CEP128: variants seen among roughly 807,000 people sequenced by gnomAD.
CEP128 encodes centrosomal protein 128.
In CEP128, 132 loss-of-function variants were observed where a neutral mutation model predicts 156.7. The observed-to-expected ratio is 0.84, with a 90% CI of 0.73 to 0.97. The LOEUF is 0.97. Ranked by LOEUF, CEP128 falls within the 50% of genes least tolerant of loss-of-function variation. The pLI, the probability that CEP128 is intolerant of heterozygous loss-of-function variation, is 0.00. For missense variants in CEP128, 1,252 were observed against 1,281.9 expected (o/e 0.98, Z 0.36); for synonymous variants, 469 against 448.9 (o/e 1.04, Z -0.57).
chr14:80,530,898 A>G lies in CEP128; in HGVS notation c.2881-12T>C. The G allele has an allele frequency of 6.4e-7, 1 of 1,558,516 alleles. No individual in the cohort carries two copies. Among genetic ancestry groups the G allele is most frequent in the Non-Finnish European group, 8.8e-7 (1 of 1,141,902 alleles). ...GCCACTTGGGTACTCTGAAATAGAAAACATAAGGAAACCAAACATTATAAA... is the reference window on the plus strand; with the variant it reads ...GCCACTTGGGTACTCTGAAATAGAAGACATAAGGAAACCAAACATTATAAA... On this transcript the variant is annotated splice_polypyrimidine_tract_variant and intron_variant, in intron 21 of 24. Coordinates refer to ENST00000555265, the MANE Select transcript of CEP128 (RefSeq NM_152446.5).
At chr14:80,889,079 T>A (rs570693869) in intron 8 of CEP128, among the ~76,000 whole-genome samples, 1 of 151,792 alleles carries the variant, frequency 6.6e-6, no homozygotes, top group African/African-American at 2.4e-5. Flanking sequence ...ATAAGGGACA[T>A]GAAGAACCTC....
rs397973196 is a variant in CEP128 at position 80,895,798 on chromosome 14, G to GA, written c.573-9dup. The GA allele has an allele frequency of 0.043, 52,910 of 1,235,514 alleles. 1,210 individuals carry two copies. The highest frequency in any genetic ancestry group is 0.23 in the African/African-American group (14,323 of 61,796). The allele number at this position is 1,235,514 out of a possible 1,614,324, so 76.5% of individuals were successfully genotyped here. On this transcript the variant is annotated splice_polypyrimidine_tract_variant and intron_variant, in intron 7 of 24. Coordinates refer to ENST00000555265, the MANE Select transcript of CEP128 (RefSeq NM_152446.5). ...TTTGTTTCGGCATCTGACCTAGGAA[G>GA]AAAAAAAAAAAAAAGATTTAAATTT...
At chr14:80,935,005 A>G (rs1885700934) in intron 2 of CEP128, among the ~76,000 whole-genome samples, 1 of 152,182 alleles carries the variant, frequency 6.6e-6, no homozygotes, top group African/African-American at 2.4e-5. Context: ...TCCTCATAAC[A>G]TTATTATTAT....
chr14:80,672,039 C>G (rs1441994543), intron 19 of CEP128, among the ~76,000 whole-genome samples: 1 of 152,034 alleles, frequency 6.6e-6, no homozygotes. Context: ...AGAGATGACA[C>G]ATATAAATTC....
chr14:80,915,769 A>C (rs1227112046), intron 3 of CEP128, among the ~76,000 whole-genome samples: 5 of 152,190 alleles, frequency 3.3e-5, no homozygotes, highest in Non-Finnish European at 7.3e-5. Context: ...CACTCTCACG[A>C]TATTTTATTT....
chr14:80,548,498 C>T (rs1890080867), intron 21 of CEP128, among the ~76,000 whole-genome samples: 1 of 152,100 alleles, frequency 6.6e-6, no homozygotes, highest in African/African-American at 2.4e-5. Context: ...ATCAAATATA[C>T]TATCATTACT....
chr14:80,858,284 A>G (rs1455601942), intron 9 of CEP128, among the ~76,000 whole-genome samples: 4 of 138,202 alleles, frequency 2.9e-5, no homozygotes, highest in South Asian at 2.5e-4. Context: ...TGAGAAAAAC[A>G]AGCAATGGGG....
chr14:80,846,326 A>G (rs1886600914), intron 9 of CEP128, among the ~76,000 whole-genome samples: 1 of 152,186 alleles, frequency 6.6e-6, no homozygotes, highest in East Asian at 1.9e-4. Flanking sequence ...GCTTACACAT[A>G]TGCTGAAGGA....
chr14:80,903,733 C>T (rs1051418052), intron 6 of CEP128, among the ~76,000 whole-genome samples: 6 of 151,792 alleles, frequency 4.0e-5, no homozygotes, highest in Admixed American at 2.6e-4. Flanking sequence ...TCAATAGGTA[C>T]ATTTTTAAAA....
downstream of CEP128, among the ~76,000 whole-genome samples, chr14:80,486,664 G>T (rs529908167): frequency 5.3e-5 from 8 of 152,246 alleles, no homozygotes; most frequent in South Asian, 4.1e-4. Flanking sequence ...GACTAACAGC[G>T]GATCTCTCAG....
chr14:80,580,289 G>A, intron 20 of CEP128, 85 bp downstream of exon 20: 1 of 834,406 alleles, frequency 1.2e-6, no homozygotes, highest in South Asian at 1.7e-5. Context: ...TGCTATACCA[G>A]TGTGAATGTG....
chr14:80,845,684 C>T (rs1318880923), intron 9 of CEP128, among the ~76,000 whole-genome samples: 1 of 152,040 alleles, frequency 6.6e-6, no homozygotes, highest in Admixed American at 6.6e-5. Flanking sequence ...TTATTTTATG[C>T]CTTTGGGTTT....
chr14:80,733,515 A>G (rs1898383635), intron 19 of CEP128, among the ~76,000 whole-genome samples: 1 of 152,186 alleles, frequency 6.6e-6, no homozygotes, highest in Non-Finnish European at 1.5e-5. Flanking sequence ...AAAACTTTGT[A>G]AAGTCACCAG....
chr14:80,913,441 C>T (rs1287198451), intron 4 of CEP128, among the ~76,000 whole-genome samples: 1 of 152,062 alleles, frequency 6.6e-6, no homozygotes, highest in Non-Finnish European at 1.5e-5. Context: ...AAGCAAATCG[C>T]ACATATGCTT....
intron 19 of CEP128, among the ~76,000 whole-genome samples, chr14:80,633,519 C>T (rs571767940): frequency 8.5e-5 from 13 of 152,050 alleles, no homozygotes; most frequent in Admixed American, 8.5e-4. Context: ...TATTGCTTTC[C>T]TCCGTCTCTC....
chr14:80,937,050 G>C (rs1885846934), intron 2 of CEP128, among the ~76,000 whole-genome samples: 1 of 152,158 alleles, frequency 6.6e-6, no homozygotes, highest in Non-Finnish European at 1.5e-5. Flanking sequence ...AGGCGCAGTG[G>C]CCCATGCCTG....
chr14:80,692,468 A>G (rs1371208598), intron 19 of CEP128, among the ~76,000 whole-genome samples: 1 of 152,208 alleles, frequency 6.6e-6, no homozygotes, highest in Non-Finnish European at 1.5e-5. Flanking sequence ...TACAATTAGC[A>G]TGAAAACTGG....
intron 13 of CEP128, chr14:80,822,477 C>T (rs542838303): frequency 8.8e-6 from 5 of 569,764 alleles, no homozygotes; most frequent in Admixed American, 2.1e-5. Context: ...AACCAAAGCC[C>T]GTGCACCACT....
chr14:80,729,175 C>T (rs1429863087), intron 19 of CEP128, among the ~76,000 whole-genome samples: 1 of 149,012 alleles, frequency 6.7e-6, no homozygotes, highest in Non-Finnish European at 1.5e-5. Context: ...CCCATGCTTC[C>T]CCCCAAGTCC....
Sources: gnomAD v4.1 joint callset for allele counts (sites outside exome capture counted in the v4.1 genomes callset) on GRCh38, gnomAD v4.1.1 for gene constraint, MANE v1.5 for transcripts, NCBI Gene and HGNC (gene_info 2026-07-23, HGNC 2026-07-21) for gene names.